BRD10: variants seen among roughly 807,000 people sequenced by gnomAD.
BRD10 encodes bromodomain containing 10, also known as uncharacterized bromodomain-containing protein 10.
At chr9:5,916,056 T>C in the BRD10 span, among the ~76,000 whole-genome samples, 1 of 152,212 alleles carries the variant, frequency 6.6e-6, no homozygotes, top group Non-Finnish European at 1.5e-5. Flanking sequence ...TCAACTTTTC[T>C]AAGCCTCAAG....
chr9:5,951,678 A>C, the BRD10 span, among the ~76,000 whole-genome samples: 3 of 152,198 alleles, frequency 2.0e-5, no homozygotes, highest in Non-Finnish European at 4.4e-5. Flanking sequence ...TAGTCTTCTT[A>C]CATGTGGAAG....
chr9:5,896,365 T>C, the BRD10 span, among the ~76,000 whole-genome samples: 1 of 152,212 alleles, frequency 6.6e-6, no homozygotes, highest in Admixed American at 6.5e-5. Context: ...AGCTTCCTGA[T>C]CTATAAAGCG....
At chr9:5,968,987 T>C in the BRD10 span, 14 of 1,609,708 alleles carry the variant, frequency 8.7e-6, no homozygotes, top group Admixed American at 1.9e-4. Context: ...AAAAGGTTTT[T>C]CTTCCAATGG....
the BRD10 span, among the ~76,000 whole-genome samples, chr9:5,935,282 T>C: frequency 6.6e-6 from 1 of 152,186 alleles, no homozygotes; most frequent in Non-Finnish European, 1.5e-5. Flanking sequence ...ATATCCAACA[T>C]TTCCATTATA....
the BRD10 span, among the ~76,000 whole-genome samples, chr9:5,975,694 A>G: frequency 6.6e-6 from 1 of 152,152 alleles, no homozygotes; most frequent in Non-Finnish European, 1.5e-5. Context: ...GTCCAAACTG[A>G]AATATACAGA....
the BRD10 span, among the ~76,000 whole-genome samples, chr9:5,893,847 G>A: frequency 1.3e-5 from 2 of 152,260 alleles, no homozygotes; most frequent in South Asian, 2.1e-4. Context: ...GGAGGTGAAG[G>A]AGAGGCTAGG....
chr9:5,948,106 T>C, the BRD10 span, among the ~76,000 whole-genome samples: 1 of 152,166 alleles, frequency 6.6e-6, no homozygotes, highest in Non-Finnish European at 1.5e-5. Context: ...TCATTTAATA[T>C]AATCCATGGC....
the BRD10 span, among the ~76,000 whole-genome samples, chr9:5,889,859 C>A: frequency 6.6e-6 from 1 of 152,060 alleles, no homozygotes; most frequent in Non-Finnish European, 1.5e-5. Context: ...TACTTTTGCA[C>A]CAACCTAATT....
chr9:5,923,426 G>A, the BRD10 span: 1 of 749,150 alleles, frequency 1.3e-6, no homozygotes, highest in East Asian at 2.7e-5. Context: ...GAAATCTACT[G>A]CAGGGTGATT....
the BRD10 span, among the ~76,000 whole-genome samples, chr9:5,991,386 T>A: frequency 6.6e-6 from 1 of 152,122 alleles, no homozygotes. Context: ...TGCTCTGATA[T>A]TCCTAGAGTC....
At chr9:5,972,179 G>C in the BRD10 span, among the ~76,000 whole-genome samples, 3 of 151,972 alleles carry the variant, frequency 2.0e-5, no homozygotes, top group Non-Finnish European at 2.9e-5. Context: ...AAACATAAAA[G>C]GAATTAAGAT....
At chr9:5,893,557 C>T in the BRD10 span, among the ~76,000 whole-genome samples, 4 of 152,106 alleles carry the variant, frequency 2.6e-5, no homozygotes, top group South Asian at 2.1e-4. Flanking sequence ...GAGATGAGGG[C>T]GGCGGTATCT....
At chr9:5,980,688 G>C in the BRD10 span, among the ~76,000 whole-genome samples, 1 of 151,974 alleles carries the variant, frequency 6.6e-6, no homozygotes, top group Non-Finnish European at 1.5e-5. Flanking sequence ...TATATAGAGA[G>C]AGAGAGAGTA....
At chr9:5,929,340 C>G in the BRD10 span, among the ~76,000 whole-genome samples, 1 of 152,106 alleles carries the variant, frequency 6.6e-6, no homozygotes, top group Non-Finnish European at 1.5e-5. Context: ...TAACAATTCT[C>G]AATTCTACCA....
chr9:5,925,164 G>C, the BRD10 span, among the ~76,000 whole-genome samples: 2 of 152,130 alleles, frequency 1.3e-5, no homozygotes, highest in East Asian at 3.9e-4. Flanking sequence ...TTTGAGACCA[G>C]CCTGGCCAAC....
At chr9:5,998,172 T>C in the BRD10 span, among the ~76,000 whole-genome samples, 3 of 152,198 alleles carry the variant, frequency 2.0e-5, no homozygotes, top group Non-Finnish European at 2.9e-5. Flanking sequence ...GGACACTCAA[T>C]TGGATAAAAG....
At chr9:5,958,240 G>T in the BRD10 span, among the ~76,000 whole-genome samples, 1 of 152,082 alleles carries the variant, frequency 6.6e-6, no homozygotes, top group Non-Finnish European at 1.5e-5. Flanking sequence ...ACCTGAGAGG[G>T]AAAATTATAA....
the BRD10 span, among the ~76,000 whole-genome samples, chr9:5,954,784 T>C: frequency 6.6e-6 from 1 of 152,106 alleles, no homozygotes; most frequent in African/African-American, 2.4e-5. Context: ...AAAAAATACA[T>C]ACATGCATAA....
the BRD10 span, among the ~76,000 whole-genome samples, chr9:5,946,484 C>T: frequency 6.6e-6 from 1 of 151,964 alleles, no homozygotes. Flanking sequence ...AACTAGAGAG[C>T]GTCTTCAACT....
Sources: gnomAD v4.1 joint callset for allele counts (sites outside exome capture counted in the v4.1 genomes callset) on GRCh38, gnomAD v4.1.1 for gene constraint, MANE v1.5 for transcripts, NCBI Gene and HGNC (gene_info 2026-07-23, HGNC 2026-07-21) for gene names.